The following WDR1 variants were observed in gnomAD, a reference collection of about 807,000 sequenced individuals.
The protein encoded by WDR1 is WD repeat domain 1, also known as WD repeat-containing protein 1.
Under a neutral mutation model 71.9 loss-of-function variants are expected in WDR1, and 21 were observed. The ratio of observed to expected loss-of-function variants is 0.29; its 90% CI spans 0.21 to 0.42. WDR1 has a LOEUF of 0.42. Among genes scored for constraint, WDR1 ranks in the 10% least tolerant of loss-of-function variants. The probability of loss-of-function intolerance (pLI) is 1.00; values close to 1 mark genes in which losing one functional copy is unlikely to be tolerated. For synonymous variants in WDR1, 424 were observed against 347.4 expected (o/e 1.22, Z -2.45); for missense variants, 696 against 824.5 (o/e 0.84, Z 1.91).
At chr4:10,111,264 C>T (rs1713341666) in intron 2 of WDR1, among the ~76,000 whole-genome samples, 1 of 152,196 alleles carries the variant, frequency 6.6e-6, no homozygotes, top group African/African-American at 2.4e-5. Context: ...TGTCCACTCC[C>T]CTCACGCTCA....
chr4:10,091,985 C>T (rs3796823), intron 5 of WDR1: 96,637 of 152,150 alleles, frequency 0.64, 31,955 homozygotes, highest in Middle Eastern at 0.76. Flanking sequence ...CCAGATGAGG[C>T]CACACAACCT....
intron 11 of WDR1, 43 bp from the exon 12 acceptor site, chr4:10,079,044 G>A (rs762804791): frequency 8.6e-6 from 13 of 1,508,612 alleles, no homozygotes; most frequent in South Asian, 4.9e-5. Context: ...CCAGCCCTTC[G>A]GGACAAAACC....
At position 10,079,840 on chromosome 4, in the gene WDR1, C is replaced by T. The variant is rs183603316; in HGVS notation, c.1285-839G>A. On this transcript the variant is annotated intron_variant, in intron 11 of 14. Coordinates refer to ENST00000499869, the MANE Select transcript of WDR1 (RefSeq NM_017491.5). The stretch of plus-strand genomic sequence containing the variant: ...TGAAGAGGCACCTCTGTCATCTGCC[C>T]GGCTCTGGAGGTGGCCTTACCTACT... Among the ~76,000 whole-genome samples, 284 of 152,278 alleles carry T rather than the reference C, an allele frequency of 1.9e-3. 1 individual carries two copies. Among genetic ancestry groups the T allele is most frequent in the African/African-American group, 6.4e-3 (264 of 41,554 alleles).
chr4:10,081,505 T>C (rs994026993), intron 10 of WDR1, 61 bp from the exon 11 acceptor site: 17 of 1,497,538 alleles, frequency 1.1e-5, no homozygotes, highest in Non-Finnish European at 1.6e-5. Flanking sequence ...TAGGTATGCA[T>C]ACATATTTAC....
At chr4:10,114,493 C>T (rs1157704780) in intron 2 of WDR1, among the ~76,000 whole-genome samples, 1 of 152,196 alleles carries the variant, frequency 6.6e-6, no homozygotes, top group East Asian at 1.9e-4. Context: ...AGATGCACAG[C>T]AGGTACTTTA....
At chr4:10,098,875 C>A in intron 4 of WDR1, 117 bp downstream of exon 4, 2 of 1,472,448 alleles carry the variant, frequency 1.4e-6, no homozygotes, top group Non-Finnish European at 1.9e-6. Flanking sequence ...ACTGGGAGCT[C>A]AACCCTCACG....
intron 2 of WDR1, among the ~76,000 whole-genome samples, chr4:10,110,057 G>A (rs1713258004): frequency 2.0e-5 from 3 of 151,790 alleles, no homozygotes; most frequent in South Asian, 2.1e-4. Context: ...ACAAAGAACA[G>A]AGAGGTGCTC....
At chr4:10,112,059 C>CT (rs1201783605) in intron 2 of WDR1, among the ~76,000 whole-genome samples, 84 of 146,550 alleles carry the variant, frequency 5.7e-4, no homozygotes, top group Non-Finnish European at 7.5e-4. Context: ...GCAAAAGTTG[C>CT]TTTTTTTTTT....
intron 2 of WDR1, among the ~76,000 whole-genome samples, chr4:10,104,873 C>G (rs1164717282): frequency 6.6e-6 from 1 of 152,196 alleles, no homozygotes; most frequent in Non-Finnish European, 1.5e-5. Context: ...TTAGGACACA[C>G]CAGACTCCTG....
chr4:10,096,425 T>C (rs1712352115), intron 5 of WDR1: 1 of 152,128 alleles, frequency 6.6e-6, no homozygotes, highest in Non-Finnish European at 1.5e-5. Context: ...ACCTACCCAT[T>C]AGGTGGTAGC....
chr4:10,084,949 C>A (rs1162157996), intron 8 of WDR1, among the ~76,000 whole-genome samples: 1 of 152,252 alleles, frequency 6.6e-6, no homozygotes, highest in Non-Finnish European at 1.5e-5. Context: ...TCGCTTCAGG[C>A]CCTGGTTTGT....
intron 8 of WDR1, among the ~76,000 whole-genome samples, chr4:10,085,109 G>T (rs980219141): frequency 1.2e-4 from 18 of 152,214 alleles, no homozygotes; most frequent in African/African-American, 1.9e-4. Flanking sequence ...CACAAGGCTG[G>T]TCCACAACCA....
At position 10,078,327 on chromosome 4, in the gene WDR1, G is replaced by A. The variant is rs1764878185; in HGVS notation, c.1396-401C>T. Among the ~76,000 whole-genome samples the A allele has an allele frequency of 2.0e-5, 3 of 152,190 alleles. No homozygotes were observed. In the South Asian group the frequency reaches 6.2e-4, roughly 31 times the overall value. ...CTCCTGGGCTGGAGAGGGGAAATGA[G>A]CTCTTCTACAGAGCACTCAGGACTT... On this transcript the variant is annotated intron_variant, in intron 12 of 14. Coordinates refer to ENST00000499869, the MANE Select transcript of WDR1 (RefSeq NM_017491.5).
At position 10,088,744 on chromosome 4, in the gene WDR1, G is replaced by A. The variant is rs1417007574; in HGVS notation, c.559-3C>T. The A allele has an allele frequency of 4.4e-6, 7 of 1,592,644 alleles. No individual in the cohort carries two copies. Among genetic ancestry groups the A allele is most frequent in the Middle Eastern group, 1.7e-4 (1 of 6,040 alleles). On this transcript the variant is annotated splice_polypyrimidine_tract_variant and splice_region_variant and intron_variant, in intron 5 of 14. Coordinates refer to ENST00000499869, the MANE Select transcript of WDR1 (RefSeq NM_017491.5). ...CAGTTGACAAAGCGGCTGTGGTCCT[G>A]CAGGAAAACAATTACCTGCCTGATG...
chr4:10,116,792 A>G lies in WDR1; in HGVS notation c.-126T>C. 8.8e-7 allele frequency: 1 copy of G among 1,136,688 alleles called. No homozygotes were observed. The highest frequency in any genetic ancestry group is 1.1e-6 in the Non-Finnish European group (1 of 903,516). 70.4% of individuals were successfully genotyped at this position (1,136,688 alleles called of 1,614,324 possible). A position where few individuals can be genotyped will look rare whatever the true frequency, so the allele number is the denominator to read the frequency against. Reference sequence around the variant, plus strand: ...GGAAGGCGGCACCGGGCGTGCCGGGAGTGGAGTGGGCGGTCCGAGGCCGGG... The same window carrying G: ...GGAAGGCGGCACCGGGCGTGCCGGGGGTGGAGTGGGCGGTCCGAGGCCGGG... On this transcript the variant is annotated 5_prime_UTR_variant, in exon 1 of 15. Transcript: ENST00000499869.
At chr4:10,078,736 G>A (rs1321084864) in intron 12 of WDR1, 155 bp downstream of exon 12, 3 of 603,410 alleles carry the variant, frequency 5.0e-6, no homozygotes, top group South Asian at 2.2e-5. Flanking sequence ...TGGCGTGGCT[G>A]GGCCCCAGAG....
At chr4:10,092,964 C>T in intron 5 of WDR1, 1 of 941,980 alleles carries the variant, frequency 1.1e-6, no homozygotes, top group Non-Finnish European at 1.5e-6. Context: ...GCAGCCAACA[C>T]ATAGCCAAGA....
At chr4:10,102,353 C>G (rs1712728486) in intron 3 of WDR1, among the ~76,000 whole-genome samples, 1 of 152,242 alleles carries the variant, frequency 6.6e-6, no homozygotes, top group Admixed American at 6.5e-5. Flanking sequence ...AAACCATGTG[C>G]TGGAAACTTA....
At chr4:10,104,900 C>A (rs1712927844) in intron 2 of WDR1, among the ~76,000 whole-genome samples, 1 of 152,180 alleles carries the variant, frequency 6.6e-6, no homozygotes, top group African/African-American at 2.4e-5. Flanking sequence ...TGCCCGGGCA[C>A]CCCTAGCATG....
Sources: allele counts gnomAD v4.1 joint callset (sites outside exome capture counted in the v4.1 genomes callset), GRCh38; gene constraint gnomAD v4.1.1; transcripts MANE v1.5; gene names NCBI Gene and HGNC (gene_info 2026-07-23, HGNC 2026-07-21).